FHIT: variants seen among roughly 807,000 people sequenced by gnomAD.
FHIT encodes the protein fragile histidine triad diadenosine triphosphatase.
In FHIT, 19 loss-of-function variants were observed where a neutral mutation model predicts 17.9. The ratio of observed to expected loss-of-function variants is 1.06; its 90% CI spans 0.74 to 1.56. The LOEUF is 1.56. Among genes scored for constraint, FHIT ranks in the 40% most tolerant of loss-of-function variants. The pLI is 0.00. For missense variants in FHIT, 248 were observed against 189.2 expected (o/e 1.31, Z -1.82); for synonymous variants, 81 against 69.7 (o/e 1.16, Z -0.81).
In FHIT at chr3:61,134,100, T is replaced by TACAC. The variant is rs150931006; in HGVS notation, c.-164+66513_-164+66516dup. Among the ~76,000 whole-genome samples the TACAC allele has an allele frequency of 1.9e-3, 255 of 134,958 alleles. 1 individual carries two copies. Among genetic ancestry groups the TACAC allele is most frequent in the East Asian group, 0.011 (51 of 4,578 alleles). 88.5% of individuals were successfully genotyped at this position (134,958 alleles called of 152,430 possible). On this transcript the variant is annotated intron_variant, in intron 2 of 9. Coordinates refer to ENST00000492590, the MANE Select transcript of FHIT (RefSeq NM_002012.4). ...TGAGACTCTGTCTCACACACACACA[T>TACAC]ACACACACACACACACACACACACA...
intron 2 of FHIT, among the ~76,000 whole-genome samples, chr3:61,166,817 G>A (rs2037853055): frequency 1.3e-5 from 2 of 152,222 alleles, no homozygotes; most frequent in African/African-American, 2.4e-5. Flanking sequence ...GCACACAGGT[G>A]TGGTGTCTTA....
intron 5 of FHIT, among the ~76,000 whole-genome samples, chr3:60,422,522 TTTG>T (rs1187768810): frequency 6.6e-6 from 1 of 152,140 alleles, no homozygotes; most frequent in African/African-American, 2.4e-5. Flanking sequence ...AACATTCTTT[TTTG>T]TTGTTGTTAT....
chr3:60,382,143 A>C (rs1164662195), intron 5 of FHIT, among the ~76,000 whole-genome samples: 2 of 152,156 alleles, frequency 1.3e-5, no homozygotes. Context: ...CAGCCAATGG[A>C]TTGTGCCTCA....
intron 4 of FHIT, among the ~76,000 whole-genome samples, chr3:60,586,783 G>A (rs1553662190): frequency 6.6e-6 from 1 of 151,968 alleles, no homozygotes; most frequent in Admixed American, 6.6e-5. Context: ...ATAACTAGGT[G>A]CTAAATGATG....
chr3:60,921,582 T>C (rs1254942098), intron 3 of FHIT, among the ~76,000 whole-genome samples: 8 of 152,226 alleles, frequency 5.3e-5, no homozygotes, highest in African/African-American at 1.9e-4. Context: ...TTATAACTTT[T>C]AAAATGTCAA....
At chr3:60,668,483 C>A (rs1263867741) in intron 4 of FHIT, among the ~76,000 whole-genome samples, 1 of 148,710 alleles carries the variant, frequency 6.7e-6, no homozygotes, top group African/African-American at 2.5e-5. Context: ...TGACCATCTT[C>A]TGTTGGGTTG....
At chr3:59,867,705 A>T (rs149238091) in intron 8 of FHIT, among the ~76,000 whole-genome samples, 1 of 152,190 alleles carries the variant, frequency 6.6e-6, no homozygotes, top group East Asian at 1.9e-4. Context: ...TTGTGATTCA[A>T]AACTGCTCTA....
intron 7 of FHIT, among the ~76,000 whole-genome samples, chr3:60,006,717 G>C (rs998638869): frequency 2.0e-5 from 3 of 151,378 alleles, no homozygotes; most frequent in African/African-American, 7.3e-5. Context: ...AAGGTGCACA[G>C]TTAGGAAGTT....
At chr3:60,718,124 A>C (rs1195180836) in intron 4 of FHIT, among the ~76,000 whole-genome samples, 1 of 152,196 alleles carries the variant, frequency 6.6e-6, no homozygotes, top group Non-Finnish European at 1.5e-5. Flanking sequence ...TCATGGTTTT[A>C]TATGAATGCT....
At chr3:60,322,902 A>C (rs973908712) in intron 5 of FHIT, among the ~76,000 whole-genome samples, 1 of 152,206 alleles carries the variant, frequency 6.6e-6, no homozygotes, top group African/African-American at 2.4e-5. Flanking sequence ...AAAAAAATAC[A>C]ATGTTTAACT....
chr3:59,776,993 C>A, intron 8 of FHIT, among the ~76,000 whole-genome samples: 1 of 152,184 alleles, frequency 6.6e-6, no homozygotes, highest in Non-Finnish European at 1.5e-5. Flanking sequence ...CTAAACTCCT[C>A]TCTGACCTCA....
chr3:59,962,993 T>G (rs572799909), intron 7 of FHIT, among the ~76,000 whole-genome samples: 2 of 152,268 alleles, frequency 1.3e-5, no homozygotes, highest in South Asian at 4.1e-4. Flanking sequence ...CAGTGGCCCA[T>G]GCCTGTAATC....
At chr3:60,951,363 G>C (rs1184284539) in intron 3 of FHIT, among the ~76,000 whole-genome samples, 2 of 152,162 alleles carry the variant, frequency 1.3e-5, no homozygotes, top group Non-Finnish European at 2.9e-5. Flanking sequence ...ACAGCTATTA[G>C]TATTACTGTT....
chr3:59,895,467 G>C (rs1349724946), intron 8 of FHIT, among the ~76,000 whole-genome samples: 2 of 152,194 alleles, frequency 1.3e-5, no homozygotes, highest in African/African-American at 4.8e-5. Flanking sequence ...AAGGTGAACA[G>C]AGAAGACATA....
chr3:60,818,386 A>G (rs1701809546), intron 4 of FHIT, among the ~76,000 whole-genome samples: 1 of 152,104 alleles, frequency 6.6e-6, no homozygotes. Flanking sequence ...GTATTGATTT[A>G]TTTGTTTTAG....
At chr3:60,090,457 G>C (rs1703682422) in intron 5 of FHIT, among the ~76,000 whole-genome samples, 1 of 152,140 alleles carries the variant, frequency 6.6e-6, no homozygotes, top group Non-Finnish European at 1.5e-5. Context: ...AGCAAAATAG[G>C]ATTATCAAGT....
At chr3:60,187,751 A>T (rs1255930242) in intron 5 of FHIT, among the ~76,000 whole-genome samples, 6 of 152,218 alleles carry the variant, frequency 3.9e-5, no homozygotes, top group African/African-American at 1.4e-4. Context: ...ACAGTCAAAG[A>T]TGCTGATTTA....
chr3:59,961,595 G>C (rs891812405), intron 7 of FHIT, among the ~76,000 whole-genome samples: 32 of 152,254 alleles, frequency 2.1e-4, no homozygotes, highest in African/African-American at 7.5e-4. Flanking sequence ...CATGGGAAAA[G>C]CGTGGTATCT....
At chr3:60,007,055 A>T (rs541736107) in intron 7 of FHIT, among the ~76,000 whole-genome samples, 2 of 152,234 alleles carry the variant, frequency 1.3e-5, no homozygotes, top group East Asian at 3.8e-4. Flanking sequence ...AGAAGATTCA[A>T]GTACCATAAA....
Sources: allele counts gnomAD v4.1 joint callset (sites outside exome capture counted in the v4.1 genomes callset), GRCh38; gene constraint gnomAD v4.1.1; transcripts MANE v1.5; gene names NCBI Gene and HGNC (gene_info 2026-07-23, HGNC 2026-07-21).